GABRB1: variants seen among roughly 807,000 people sequenced by gnomAD.
GABRB1 encodes the protein gamma-aminobutyric acid type A receptor subunit beta1, also known as gamma-aminobutyric acid receptor subunit beta-1.
A neutral mutation model predicts 51.6 loss-of-function variants in GABRB1; 17 were observed. The ratio of observed to expected loss-of-function variants is 0.33; its 90% confidence interval spans 0.23 to 0.49. The LOEUF (loss-of-function observed/expected upper bound fraction) is 0.49. Ranked by LOEUF, GABRB1 falls within the 20% of genes least tolerant of loss-of-function variation. The pLI, the probability that GABRB1 is intolerant of heterozygous loss-of-function variation, is 0.99. For synonymous variants in GABRB1, 247 were observed against 218.9 expected (o/e 1.13, Z -1.14); for missense variants, 410 against 600.6 (o/e 0.68, Z 3.32).
intron 3 of GABRB1, among the ~76,000 whole-genome samples, chr4:47,155,269 G>C (rs911721626): frequency 6.6e-6 from 1 of 152,036 alleles, no homozygotes; most frequent in African/African-American, 2.4e-5. Context: ...CAAGTTTTAC[G>C]AAGGGCAGAT....
At chr4:47,379,194 C>CTA (rs1209780414) in intron 5 of GABRB1, among the ~76,000 whole-genome samples, 1 of 152,092 alleles carries the variant, frequency 6.6e-6, no homozygotes, top group African/African-American at 2.4e-5. Context: ...CTATACTGTA[C>CTA]TATACTCTAC....
At chr4:47,389,730 C>G (rs1727921748) in intron 5 of GABRB1, among the ~76,000 whole-genome samples, 1 of 152,096 alleles carries the variant, frequency 6.6e-6, no homozygotes. Context: ...AAAATTAAAC[C>G]CAGTTGACTC....
intron 5 of GABRB1, among the ~76,000 whole-genome samples, chr4:47,392,217 T>C (rs1457030429): frequency 6.6e-6 from 1 of 152,068 alleles, no homozygotes; most frequent in Non-Finnish European, 1.5e-5. Context: ...ACTGTCCTAG[T>C]TGTTTATGGA....
At chr4:47,010,954 C>CT (rs1010095756) in intron 1 of GABRB1, among the ~76,000 whole-genome samples, 25 of 147,748 alleles carry the variant, frequency 1.7e-4, no homozygotes, top group East Asian at 3.9e-4. Flanking sequence ...GAACCTGACA[C>CT]TTTTTTTTTT....
chr4:47,163,437 A>G (rs1477936881), intron 4 of GABRB1, among the ~76,000 whole-genome samples: 1 of 152,042 alleles, frequency 6.6e-6, no homozygotes, highest in Non-Finnish European at 1.5e-5. Flanking sequence ...ATTATCTGCC[A>G]CACACTCACT....
At chr4:47,218,200 G>A (rs1720631003) in intron 4 of GABRB1, among the ~76,000 whole-genome samples, 1 of 151,772 alleles carries the variant, frequency 6.6e-6, no homozygotes, top group South Asian at 2.1e-4. Flanking sequence ...GTACTCCATT[G>A]TGTATATATA....
At chr4:47,294,886 G>A (rs553185346) in intron 4 of GABRB1, among the ~76,000 whole-genome samples, 1 of 152,284 alleles carries the variant, frequency 6.6e-6, no homozygotes, top group African/African-American at 2.4e-5. Flanking sequence ...ACCTCACACG[G>A]CCGGGTACTC....
chr4:47,243,167 G>C (rs1477999581), intron 4 of GABRB1, among the ~76,000 whole-genome samples: 3 of 152,044 alleles, frequency 2.0e-5, no homozygotes, highest in African/African-American at 7.2e-5. Context: ...GCTTGTTTTT[G>C]CCAGGTTTGT....
At chr4:47,367,838 C>A (rs1161585425) in intron 5 of GABRB1, among the ~76,000 whole-genome samples, 1 of 152,220 alleles carries the variant, frequency 6.6e-6, no homozygotes, top group Non-Finnish European at 1.5e-5. Context: ...AAAGGATGTA[C>A]AGAAACCCCA....
At chr4:47,404,652 G>A (rs1728509850) in intron 7 of GABRB1, among the ~76,000 whole-genome samples, 1 of 152,082 alleles carries the variant, frequency 6.6e-6, no homozygotes, top group African/African-American at 2.4e-5. Flanking sequence ...ATTTGTAATG[G>A]CTGAATACAT....
At chr4:46,999,415 T>C (rs11729763) in intron 1 of GABRB1, among the ~76,000 whole-genome samples, 2,739 of 152,302 alleles carry the variant, frequency 0.018, 29 homozygotes, top group Non-Finnish European at 0.031. Flanking sequence ...CTCTCAAACA[T>C]GTTCATGAGG....
intron 4 of GABRB1, among the ~76,000 whole-genome samples, chr4:47,227,231 G>A (rs17539438): frequency 0.12 from 17,689 of 151,970 alleles, 1,280 homozygotes; most frequent in Non-Finnish European, 0.15. Flanking sequence ...TCATTTTTTC[G>A]TGCAAAATTG....
chr4:47,382,899 C>A (rs1173551436), intron 5 of GABRB1, among the ~76,000 whole-genome samples: 2 of 152,186 alleles, frequency 1.3e-5, no homozygotes, highest in East Asian at 1.9e-4. Context: ...TCAATTCTAG[C>A]AAAACCAATA....
At chr4:47,208,541 CA>C (rs1364448918) in intron 4 of GABRB1, among the ~76,000 whole-genome samples, 2 of 151,666 alleles carry the variant, frequency 1.3e-5, no homozygotes, top group Admixed American at 1.3e-4. Context: ...TATAATATAC[CA>C]AAAAACATTG....
chr4:47,291,117 C>T (rs1272811147), intron 4 of GABRB1, among the ~76,000 whole-genome samples: 2 of 152,148 alleles, frequency 1.3e-5, no homozygotes, highest in African/African-American at 2.4e-5. Context: ...GGGACGGGCC[C>T]AGGGTCCCCC....
intron 4 of GABRB1, among the ~76,000 whole-genome samples, chr4:47,227,219 A>G (rs1720974579): frequency 6.6e-6 from 1 of 152,152 alleles, no homozygotes; most frequent in Non-Finnish European, 1.5e-5. Context: ...TGCAATATTC[A>G]TTCATTTTTT....
At chr4:47,053,480 A>G (rs1726452707) in intron 3 of GABRB1, among the ~76,000 whole-genome samples, 1 of 152,190 alleles carries the variant, frequency 6.6e-6, no homozygotes, top group Non-Finnish European at 1.5e-5. Flanking sequence ...TCATTCGTGA[A>G]TACTCTGTCT....
At chr4:47,390,404 C>T (rs1010905516) in intron 5 of GABRB1, among the ~76,000 whole-genome samples, 1 of 152,212 alleles carries the variant, frequency 6.6e-6, no homozygotes, top group Non-Finnish European at 1.5e-5. Context: ...GACCATCCCC[C>T]TAGCTCTATT....
At chr4:47,332,755 C>A (rs1725532997) in intron 5 of GABRB1, among the ~76,000 whole-genome samples, 1 of 151,840 alleles carries the variant, frequency 6.6e-6, no homozygotes, top group South Asian at 2.1e-4. Flanking sequence ...TTTACTTTAA[C>A]CTCCTCTTTT....
Sources: allele counts gnomAD v4.1 joint callset (sites outside exome capture counted in the v4.1 genomes callset), GRCh38; gene constraint gnomAD v4.1.1; transcripts MANE v1.5; gene names NCBI Gene and HGNC (gene_info 2026-07-23, HGNC 2026-07-21).